Variants in TLN2 observed in about 807,000 individuals in gnomAD.
The protein encoded by TLN2 is talin-2.
Under a neutral mutation model 294.7 loss-of-function variants are expected in TLN2, and 118 were observed. That is an observed-to-expected ratio of 0.40 (90% CI 0.34 to 0.47). TLN2 has a LOEUF of 0.47. Among genes scored for constraint, TLN2 ranks in the 20% least tolerant of loss-of-function variants. The pLI is 0.84. For missense variants in TLN2, 3,083 were observed against 3,282.2 expected, an observed-to-expected ratio of 0.94 and a Z score of 1.48; for synonymous variants, 1,431 against 1,304.5, an observed-to-expected ratio of 1.10 and a Z score of -2.09.
intron 33 of TLN2, among the ~76,000 whole-genome samples, chr15:62,749,068 C>T (rs548942246): frequency 6.6e-6 from 1 of 152,278 alleles, no homozygotes; most frequent in East Asian, 1.9e-4. Flanking sequence ...ATCAGTGTAC[C>T]TACTTGTATG....
At chr15:62,827,167 G>T (rs973325440) in intron 54 of TLN2, among the ~76,000 whole-genome samples, 1 of 152,162 alleles carries the variant, frequency 6.6e-6, no homozygotes, top group African/African-American at 2.4e-5. Flanking sequence ...AAGGAGCTGT[G>T]GGGTTGCAGG....
intron 1 of TLN2, among the ~76,000 whole-genome samples, chr15:62,565,930 G>C (rs1008077104): frequency 6.6e-6 from 1 of 151,912 alleles, no homozygotes; most frequent in African/African-American, 2.4e-5. Context: ...GTGTGTGTGT[G>C]TGTGTGTGTG....
intron 52 of TLN2, among the ~76,000 whole-genome samples, chr15:62,810,668 C>T (rs1191925410): frequency 2.0e-5 from 3 of 152,088 alleles, no homozygotes; most frequent in South Asian, 4.2e-4. Flanking sequence ...CCTAAGGAGG[C>T]GTGACTCGCT....
chr15:62,613,616 T>G (rs969069430), intron 2 of TLN2, among the ~76,000 whole-genome samples: 1 of 152,168 alleles, frequency 6.6e-6, no homozygotes, highest in African/African-American at 2.4e-5. Context: ...TTGCAAAGAC[T>G]TTCACATGAA....
chr15:62,789,002 C>T (rs1429625724), intron 45 of TLN2, among the ~76,000 whole-genome samples: 1 of 152,204 alleles, frequency 6.6e-6, no homozygotes. Context: ...GTCCCTAGTC[C>T]TTTCTGCTGC....
At chr15:62,602,416 A>C (rs2140785675) in intron 2 of TLN2, among the ~76,000 whole-genome samples, 1 of 152,204 alleles carries the variant, frequency 6.6e-6, no homozygotes, top group Admixed American at 6.5e-5. Context: ...TTTTTATTTT[A>C]TGTTTTTAGA....
intron 1 of TLN2, among the ~76,000 whole-genome samples, chr15:62,464,649 A>G (rs952211314): frequency 4.6e-5 from 7 of 152,068 alleles, no homozygotes; most frequent in African/African-American, 1.7e-4. Flanking sequence ...CTACTAGGGT[A>G]CCCAAATACT....
intron 45 of TLN2, among the ~76,000 whole-genome samples, chr15:62,785,439 A>T (rs1407019590): frequency 1.3e-5 from 2 of 152,036 alleles, no homozygotes; most frequent in Non-Finnish European, 2.9e-5. Flanking sequence ...AGGTGGACAG[A>T]TCACTTGAGG....
intron 46 of TLN2, among the ~76,000 whole-genome samples, chr15:62,793,584 T>C (rs185819374): frequency 6.6e-6 from 1 of 152,274 alleles, no homozygotes; most frequent in East Asian, 1.9e-4. Context: ...TCCTCCAAAC[T>C]TCTTTTTCCC....
chr15:62,667,311 T>C (rs561034591), intron 9 of TLN2, among the ~76,000 whole-genome samples: 1 of 152,306 alleles, frequency 6.6e-6, no homozygotes, highest in African/African-American at 2.4e-5. Flanking sequence ...CTGCTGGTCC[T>C]GGGGCCACAC....
chr15:62,800,695 G>A lies in TLN2; in HGVS notation c.6403G>A (p.Ala2135Thr), dbSNP rs1482408174. 5.6e-6 allele frequency: 9 copies of A among 1,614,142 alleles called. No homozygotes were observed. Among genetic ancestry groups the A allele is most frequent in the East Asian group, 4.5e-5 (2 of 44,876 alleles). ...NVTSLLKTVK[A>T]VEDEATRGTR... ...CACCTCGCTCCTCAAGACTGTAAAG[G>A]CAGTGGAGGATGAGGCCACCCGGGG... Residue 2135 changes from alanine to threonine, a missense_variant, in exon 50 of 59, where the codon GCA becomes ACA. Ala to Thr is a moderately conservative substitution (Grantham distance 58). Coordinates refer to ENST00000636159, the MANE Select transcript of TLN2 (RefSeq NM_015059.3).
At chr15:62,561,826 G>A (rs754690131) in intron 1 of TLN2, among the ~76,000 whole-genome samples, 4 of 152,078 alleles carry the variant, frequency 2.6e-5, no homozygotes, top group Non-Finnish European at 5.9e-5. Flanking sequence ...TCCTCTTGCA[G>A]TATCCTGCTC....
intron 1 of TLN2, chr15:62,476,219 C>A (rs1039674946): frequency 8.5e-5 from 13 of 152,306 alleles, no homozygotes; most frequent in African/African-American, 2.9e-4. Flanking sequence ...CCTCCTCCTG[C>A]TTTGTCACCT....
At chr15:62,697,577 A>T in intron 14 of TLN2, 111 bp from the exon 15 acceptor site, 1 of 1,214,064 alleles carries the variant, frequency 8.2e-7, no homozygotes, top group Non-Finnish European at 1.1e-6. Context: ...TGCCTCTTTT[A>T]GTTGGCCTTC....
Position 62,708,573 on chromosome 15 carries a change from C to G in TLN2, c.2244C>G (p.Arg748=), listed in dbSNP as rs149294168. The change falls in exon 21 of 59, where the codon CGC becomes CGG. Residue 748 remains arginine (R), a synonymous_variant. Coordinates refer to ENST00000636159, the MANE Select transcript of TLN2 (RefSeq NM_015059.3). The part of the protein sequence containing the change: ...QLIEAGKLVD[R]SVENCVRACQ... The stretch of plus-strand genomic sequence containing the variant: ...TTGAAGCAGGGAAGCTGGTGGACCG[C>G]TCGGTGGAGAACTGTGTCCGTGCCT... 4.3e-6 allele frequency: 7 copies of G among 1,614,078 alleles called. No individual in the cohort carries two copies. In the South Asian group the frequency reaches 4.4e-5, roughly 10 times the overall value.
In TLN2 at chr15:62,843,016, C is replaced by T. The variant is rs2070859578; in HGVS notation, c.*2406C>T. 6.6e-6 allele frequency: 1 copy of T among 152,244 alleles called. No homozygotes were observed. Among genetic ancestry groups the T allele is most frequent in the Admixed American group, 6.5e-5 (1 of 15,288 alleles). The allele number at this position is 152,244 out of a possible 1,614,324, so 9.4% of individuals were successfully genotyped here. On this transcript the variant is annotated 3_prime_UTR_variant, in exon 59 of 59. Coordinates refer to ENST00000636159, the MANE Select transcript of TLN2 (RefSeq NM_015059.3). Reference sequence around the variant, plus strand: ...TTAATAGGCACTACTGCGGTGTCCTCAGATGGTACTGAGGGGGCCTTCTGG... The same window carrying T: ...TTAATAGGCACTACTGCGGTGTCCTTAGATGGTACTGAGGGGGCCTTCTGG...
chr15:62,814,391 G>A (rs2066923466), intron 52 of TLN2, among the ~76,000 whole-genome samples: 1 of 152,000 alleles, frequency 6.6e-6, no homozygotes, highest in Non-Finnish European at 1.5e-5. Flanking sequence ...TTGCCTTCAA[G>A]TAGCTCCTAA....
chr15:62,701,166 G>C lies in TLN2; in HGVS notation c.1648G>C (p.Val550Leu). ...ATCCAAACACGAAATCCATTCTCAA[G>C]TTGATGCTATCACGGCCGGAACGGC... ...DESKHEIHSQVDAITAGTASV... is the reference protein window; with the variant it reads ...DESKHEIHSQLDAITAGTASV... Residue 550 changes from valine to leucine, a missense_variant, in exon 17 of 59, where the codon GTT becomes CTT. Physicochemically the swap from Val to Leu is conservative, Grantham distance 32. Transcript: ENST00000636159. 1.2e-6 allele frequency: 2 copies of C among 1,614,154 alleles called. No homozygotes were observed. The highest frequency in any genetic ancestry group is 1.7e-6 in the Non-Finnish European group (2 of 1,180,024).
intron 1 of TLN2, among the ~76,000 whole-genome samples, chr15:62,428,577 G>T (rs2034843191): frequency 6.6e-6 from 1 of 152,220 alleles, no homozygotes; most frequent in Non-Finnish European, 1.5e-5. Context: ...TCTGGAGTGG[G>T]TTGATTAAGT....
Sources: allele counts gnomAD v4.1 joint callset (sites outside exome capture counted in the v4.1 genomes callset), GRCh38; gene constraint gnomAD v4.1.1; transcripts MANE v1.5; gene names NCBI Gene and HGNC (gene_info 2026-07-23, HGNC 2026-07-21).